The following SMYD2 variants were observed in gnomAD, a reference collection of about 807,000 sequenced individuals.
SMYD2 encodes the protein SET and MYND domain containing 2.
Under a neutral mutation model 59.1 loss-of-function variants are expected in SMYD2, and 53 were observed. The observed-to-expected ratio is 0.90, with a 90% CI of 0.72 to 1.13. The LOEUF (loss-of-function observed/expected upper bound fraction) is 1.13, where lower values mean the gene tolerates loss of function less well. SMYD2 is among the 50% of genes most tolerant of loss of function. SMYD2 has a pLI of 0.00. For missense variants in SMYD2, 494 were observed against 544.7 expected (o/e 0.91, Z 0.93); for synonymous variants, 208 against 198.8 (o/e 1.05, Z -0.39).
At chr1:214,309,717 G>T (rs990123347) in intron 2 of SMYD2, among the ~76,000 whole-genome samples, 8 of 152,170 alleles carry the variant, frequency 5.3e-5, no homozygotes, top group African/African-American at 1.9e-4. Context: ...GTTCACTCCT[G>T]TCAGCCATAG....
intron 1 of SMYD2, among the ~76,000 whole-genome samples, chr1:214,283,921 C>A (rs764290979): frequency 2.0e-4 from 30 of 152,112 alleles, no homozygotes; most frequent in Non-Finnish European, 2.6e-4. Flanking sequence ...AAAGTGATTT[C>A]TTTAGGTAGG....
At chr1:214,294,326 A>G (rs1238372253) in intron 1 of SMYD2, among the ~76,000 whole-genome samples, 1 of 152,220 alleles carries the variant, frequency 6.6e-6, no homozygotes, top group African/African-American at 2.4e-5. Flanking sequence ...AACTGAGGGG[A>G]TGAGAGAATC....
At chr1:214,296,669 A>G (rs1233086162) in intron 1 of SMYD2, among the ~76,000 whole-genome samples, 2 of 152,334 alleles carry the variant, frequency 1.3e-5, no homozygotes, top group South Asian at 2.1e-4. Flanking sequence ...TAGCAAACCT[A>G]TGAGGTGGAA....
chr1:214,319,241 GA>G (rs1657133461), intron 5 of SMYD2, among the ~76,000 whole-genome samples: 1 of 152,166 alleles, frequency 6.6e-6, no homozygotes, highest in African/African-American at 2.4e-5. Flanking sequence ...AAGAGTTCAT[GA>G]AAACAAAGGA....
intron 5 of SMYD2, among the ~76,000 whole-genome samples, chr1:214,324,280 C>T (rs887007446): frequency 1.2e-4 from 18 of 152,212 alleles, no homozygotes; most frequent in African/African-American, 4.3e-4. Flanking sequence ...CAGTGATAGG[C>T]TTAAGATCAT....
intron 1 of SMYD2, among the ~76,000 whole-genome samples, chr1:214,299,358 A>G (rs1356507306): frequency 1.3e-5 from 2 of 152,090 alleles, no homozygotes; most frequent in African/African-American, 2.4e-5. Flanking sequence ...AAATTGTTCT[A>G]CTGAAAAGAC....
chr1:214,282,403 A>C (rs2102449344), intron 1 of SMYD2, among the ~76,000 whole-genome samples: 1 of 152,340 alleles, frequency 6.6e-6, no homozygotes, highest in African/African-American at 2.4e-5. Context: ...CAGTAAATTT[A>C]CTAAGGCAGG....
chr1:214,329,754 C>G (rs1057507945), intron 7 of SMYD2, among the ~76,000 whole-genome samples: 1 of 152,226 alleles, frequency 6.6e-6, no homozygotes, highest in African/African-American at 2.4e-5. Flanking sequence ...CTCATGCCCT[C>G]CCCTGCACGC....
chr1:214,308,701 G>T (rs1262507606), intron 2 of SMYD2, among the ~76,000 whole-genome samples: 2 of 152,222 alleles, frequency 1.3e-5, no homozygotes, highest in South Asian at 2.1e-4. Context: ...CCACACAGCA[G>T]ATGGTGGAGT....
At chr1:214,325,792 T>G (rs1657250875) in intron 6 of SMYD2, among the ~76,000 whole-genome samples, 1 of 150,882 alleles carries the variant, frequency 6.6e-6, no homozygotes, top group Admixed American at 6.6e-5. Context: ...TTTTTTTTTT[T>G]TTTTAACTTT....
At chr1:214,295,905 C>A (rs1478174486) in intron 1 of SMYD2, among the ~76,000 whole-genome samples, 4 of 152,208 alleles carry the variant, frequency 2.6e-5, no homozygotes, top group African/African-American at 4.8e-5. Flanking sequence ...GGGAGGCTAA[C>A]TTTGTTTCTG....
Position 214,312,099 on chromosome 1 carries a change from C to T in SMYD2, c.238-2663C>T, listed in dbSNP as rs900666078. ...TTTAGGCTTTGGCTAAAAACAGATT[C>T]TCTTCTCCCTTGTGCATATCTTGTC... On this transcript the variant is annotated intron_variant, in intron 2 of 11. Transcript: ENST00000366957. The surrounding 1 kb of genome is among the most constrained non-coding windows in gnomAD (Gnocchi z 4.1). 1.3e-5 allele frequency among the ~76,000 whole-genome samples: 2 copies of T among 152,220 alleles called. No individual in the cohort carries two copies. Among genetic ancestry groups the T allele is most frequent in the South Asian group, 4.1e-4 (2 of 4,834 alleles).
intron 5 of SMYD2, among the ~76,000 whole-genome samples, chr1:214,320,202 C>T (rs920637973): frequency 5.3e-5 from 8 of 152,118 alleles, no homozygotes; most frequent in Admixed American, 2.6e-4. Context: ...TTACGTTTCA[C>T]GACTGTCTAA....
In SMYD2 at chr1:214,334,320, A is replaced by ACTCGGC. The variant is rs1276445717; in HGVS notation, c.1221+15_1221+20dup. 6.2e-7 allele frequency: 1 copy of ACTCGGC among 1,611,736 alleles called. No individual in the cohort carries two copies. Among genetic ancestry groups the ACTCGGC allele is most frequent in the Admixed American group, 1.7e-5 (1 of 60,010 alleles). ...AAGCCCTGAAGAAGGTATGTCTGTA[A>ACTCGGC]CTCGGCCTTAGGATTCCCAGTGGCC... On this transcript the variant is annotated intron_variant, in intron 11 of 11. Transcript: ENST00000366957.
At chr1:214,296,857 C>A (rs1160107458) in intron 1 of SMYD2, among the ~76,000 whole-genome samples, 1 of 152,146 alleles carries the variant, frequency 6.6e-6, no homozygotes, top group Admixed American at 6.6e-5. Context: ...AGCAGCAGAA[C>A]GAAAGCTGAG....
At chr1:214,328,878 T>C (rs937630414) in intron 7 of SMYD2, among the ~76,000 whole-genome samples, 1 of 152,110 alleles carries the variant, frequency 6.6e-6, no homozygotes, top group African/African-American at 2.4e-5. Context: ...TTGAAACAGA[T>C]AATTGCAGCC....
chr1:214,304,584 C>CAAAAAAAAA (rs1571924594), intron 1 of SMYD2, among the ~76,000 whole-genome samples: 1 of 70,616 alleles, frequency 1.4e-5, no homozygotes, highest in African/African-American at 6.9e-5. Flanking sequence ...AAAAAAAAAG[C>CAAAAAAAAA]ATCTATCTCC....
chr1:214,302,429 C>T (rs1265908851), intron 1 of SMYD2, among the ~76,000 whole-genome samples: 9 of 151,926 alleles, frequency 5.9e-5, no homozygotes, highest in Non-Finnish European at 1.2e-4. Context: ...TTACGCCTTA[C>T]GCCTCACACC....
At chr1:214,292,854 A>G (rs1051591494) in intron 1 of SMYD2, among the ~76,000 whole-genome samples, 3 of 151,950 alleles carry the variant, frequency 2.0e-5, no homozygotes, top group African/African-American at 2.4e-5. Context: ...CATTCTTCCT[A>G]TTGTCTATTT....
Sources: allele counts gnomAD v4.1 joint callset (sites outside exome capture counted in the v4.1 genomes callset), GRCh38; gene constraint gnomAD v4.1.1; non-coding constraint Gnocchi (gnomAD v3.1); transcripts MANE v1.5; gene names NCBI Gene and HGNC (gene_info 2026-07-23, HGNC 2026-07-21).